Variants in RAB27B observed in about 807,000 individuals in gnomAD.
RAB27B encodes RAB27B, member RAS oncogene family.
In RAB27B, 15 loss-of-function variants were observed where a neutral mutation model predicts 24.6. The observed-to-expected ratio is 0.61, with a 90% CI of 0.41 to 0.94. The LOEUF is 0.94. RAB27B is among the 40% of genes least tolerant of loss of function. The probability of loss-of-function intolerance (pLI) is 0.00; values close to 1 mark genes in which losing one functional copy is unlikely to be tolerated. For synonymous variants in RAB27B, 105 were observed against 92.5 expected, an observed-to-expected ratio of 1.14 and a Z score of -0.78; for missense variants, 261 against 266.8, an observed-to-expected ratio of 0.98 and a Z score of 0.15.
chr18:54,873,576 T>C (rs974680135), intron 1 of RAB27B, among the ~76,000 whole-genome samples: 6 of 152,096 alleles, frequency 3.9e-5, no homozygotes, highest in Non-Finnish European at 8.8e-5. Flanking sequence ...GCTTTTTTTT[T>C]ATGGTGTTGT....
chr18:54,872,523 G>A (rs917428628), intron 1 of RAB27B, among the ~76,000 whole-genome samples: 1 of 150,996 alleles, frequency 6.6e-6, no homozygotes, highest in Non-Finnish European at 1.5e-5. Context: ...TACTCAGGAG[G>A]CTGAGACAGG....
intron 2 of RAB27B, among the ~76,000 whole-genome samples, chr18:54,727,218 C>T (rs1023487690): frequency 3.9e-5 from 6 of 152,164 alleles, no homozygotes; most frequent in African/African-American, 1.4e-4. Flanking sequence ...ACGTGATCCG[C>T]CTGCCTCGGC....
intron 2 of RAB27B, among the ~76,000 whole-genome samples, chr18:54,811,883 T>G (rs1909974738): frequency 6.6e-6 from 1 of 152,212 alleles, no homozygotes; most frequent in South Asian, 2.1e-4. Context: ...AGATGTATTT[T>G]TCTTTCATAA....
chr18:54,783,481 T>TGTG (rs1908980504), intron 2 of RAB27B, among the ~76,000 whole-genome samples: 47 of 149,788 alleles, frequency 3.1e-4, no homozygotes, highest in African/African-American at 1.2e-3. Context: ...GCCTATGGCT[T>TGTG]TGTGTGTGTG....
chr18:54,723,736 A>G (rs924435170), intron 2 of RAB27B, among the ~76,000 whole-genome samples: 2 of 152,230 alleles, frequency 1.3e-5, no homozygotes, highest in East Asian at 1.9e-4. Flanking sequence ...CAAGGTATGC[A>G]TCTAGCAGCT....
At chr18:54,788,663 A>G (rs1481503983) in intron 2 of RAB27B, among the ~76,000 whole-genome samples, 1 of 152,208 alleles carries the variant, frequency 6.6e-6, no homozygotes, top group Admixed American at 6.5e-5. Flanking sequence ...CTCTAATTTT[A>G]CCTTTGGTTC....
At chr18:54,788,294 G>T (rs538119710) in intron 2 of RAB27B, among the ~76,000 whole-genome samples, 11 of 152,110 alleles carry the variant, frequency 7.2e-5, no homozygotes, top group Non-Finnish European at 1.0e-4. Flanking sequence ...TGTGTTTTTT[G>T]TTGTTGTTGT....
intron 2 of RAB27B, among the ~76,000 whole-genome samples, chr18:54,804,183 A>G (rs897807553): frequency 1.3e-5 from 2 of 152,210 alleles, no homozygotes; most frequent in African/African-American, 2.4e-5. Flanking sequence ...TCTAGGAAAG[A>G]GCAGCTAATC....
chr18:54,804,520 C>G (rs1909707587), intron 2 of RAB27B, among the ~76,000 whole-genome samples: 1 of 152,174 alleles, frequency 6.6e-6, no homozygotes, highest in South Asian at 2.1e-4. Context: ...CCAATTAAAC[C>G]TCTTTTTCTT....
chr18:54,722,353 G>A (rs1337447240), intron 2 of RAB27B, among the ~76,000 whole-genome samples: 1 of 152,080 alleles, frequency 6.6e-6, no homozygotes, highest in African/African-American at 2.4e-5. Context: ...TATTAATTTT[G>A]CTTATTTCCC....
intron 1 of RAB27B, among the ~76,000 whole-genome samples, chr18:54,836,358 G>A (rs1833284): frequency 0.64 from 96,826 of 151,610 alleles, 33,459 homozygotes; most frequent in East Asian, 0.91. Flanking sequence ...TGACTTTTAA[G>A]GTAGACTTAT....
At chr18:54,737,209 T>C (rs546026233) in intron 2 of RAB27B, among the ~76,000 whole-genome samples, 3 of 152,208 alleles carry the variant, frequency 2.0e-5, no homozygotes, top group Non-Finnish European at 4.4e-5. Flanking sequence ...GTTGACTCTC[T>C]GGGTTGTCTT....
At chr18:54,802,351 C>A (rs1909637025) in intron 2 of RAB27B, among the ~76,000 whole-genome samples, 1 of 152,156 alleles carries the variant, frequency 6.6e-6, no homozygotes, top group African/African-American at 2.4e-5. Flanking sequence ...GGTACTGTCA[C>A]TGTTGCCATA....
chr18:54,759,538 C>G (rs763246489), intron 2 of RAB27B, among the ~76,000 whole-genome samples: 1 of 152,176 alleles, frequency 6.6e-6, no homozygotes, highest in African/African-American at 2.4e-5. Flanking sequence ...TCTGTGATAC[C>G]GACAGAAGGC....
chr18:54,879,360 A>G lies in RAB27B; in HGVS notation c.154-9A>G, dbSNP rs1477743582. On this transcript the variant is annotated splice_polypyrimidine_tract_variant and intron_variant, in intron 2 of 5. Coordinates refer to ENST00000262094, the MANE Select transcript of RAB27B (RefSeq NM_004163.4). ...AGCAACCTCAACTAATGAACGTTGT[A>G]TCTTTCAGGTTTATAATGCACAAGG... 6.2e-7 allele frequency: 1 copy of G among 1,603,532 alleles called. No homozygotes were observed. Among genetic ancestry groups the G allele is most frequent in the Non-Finnish European group, 8.5e-7 (1 of 1,170,512 alleles).
At chr18:54,741,452 CA>C (rs1395925740) in intron 2 of RAB27B, among the ~76,000 whole-genome samples, 1 of 152,040 alleles carries the variant, frequency 6.6e-6, no homozygotes, top group Non-Finnish European at 1.5e-5. Context: ...AGAATCATTC[CA>C]ATCTTATGTA....
intron 1 of RAB27B, among the ~76,000 whole-genome samples, chr18:54,865,095 G>A (rs1912158641): frequency 6.6e-6 from 1 of 152,098 alleles, no homozygotes; most frequent in Non-Finnish European, 1.5e-5. Context: ...GATTAAATAT[G>A]TGTTATATAT....
intron 2 of RAB27B, among the ~76,000 whole-genome samples, chr18:54,728,805 G>C (rs1340237897): frequency 7.7e-6 from 1 of 129,786 alleles, no homozygotes; most frequent in African/African-American, 2.9e-5. Flanking sequence ...TAACCAGGGG[G>C]ACAGAGGTTG....
chr18:54,812,140 G>T (rs1909981967), intron 2 of RAB27B, among the ~76,000 whole-genome samples: 2 of 152,076 alleles, frequency 1.3e-5, no homozygotes, highest in South Asian at 4.1e-4. Context: ...CTTTCTATTA[G>T]TTTCATTGAC....
Sources: gnomAD v4.1 joint callset for allele counts (sites outside exome capture counted in the v4.1 genomes callset) on GRCh38, gnomAD v4.1.1 for gene constraint, MANE v1.5 for transcripts, NCBI Gene and HGNC (gene_info 2026-07-23, HGNC 2026-07-21) for gene names.